Variants in CIB3 observed in about 807,000 individuals in gnomAD.
CIB3 encodes the protein calcium and integrin-binding family member 3.
CIB3 carries 22 observed loss-of-function variants against 23.4 expected under a neutral mutation model. That is an observed-to-expected ratio of 0.94 (90% CI 0.67 to 1.34). The LOEUF (loss-of-function observed/expected upper bound fraction) is 1.34. Among genes scored for constraint, CIB3 ranks in the 40% most tolerant of loss-of-function variants. The pLI, the probability that CIB3 is intolerant of heterozygous loss-of-function variation, is 0.00. For missense variants in CIB3, 258 were observed against 247.3 expected (o/e 1.04, Z -0.29); for synonymous variants, 93 against 95.8 (o/e 0.97, Z 0.17).
intron 5 of CIB3, among the ~76,000 whole-genome samples, chr19:16,162,626 C>T (rs916507700): frequency 5.3e-5 from 8 of 151,708 alleles, no homozygotes; most frequent in South Asian, 4.2e-4. Flanking sequence ...TGGTGGCGGG[C>T]GCCTGTAATT....
intron 3 of CIB3, among the ~76,000 whole-genome samples, chr19:16,168,765 G>T (rs1420569786): frequency 6.6e-6 from 1 of 152,136 alleles, no homozygotes; most frequent in Non-Finnish European, 1.5e-5. Context: ...CGAGATATGG[G>T]GGGAGATTCC....
At chr19:16,173,077 CA>C (rs1309213742) in intron 2 of CIB3, 84 bp downstream of exon 2, 4 of 1,525,356 alleles carry the variant, frequency 2.6e-6, no homozygotes, top group African/African-American at 2.8e-5. Context: ...CACACACACA[CA>C]CACACACCAA....
Position 16,173,143 on chromosome 19 carries a change from C to T in CIB3, c.86+19G>A. 3 of 1,611,930 alleles carry T rather than the reference C, an allele frequency of 1.9e-6. No homozygotes were observed. The highest frequency in any genetic ancestry group is 2.5e-6 in the Non-Finnish European group (3 of 1,179,158). ...AAGTTGTTTTTCCAGATCTTCTCTC[C>T]CTTCCTCCCTGGACTGACCTCATGA... On this transcript the variant is annotated intron_variant, in intron 2 of 5. Coordinates refer to ENST00000269878, the MANE Select transcript of CIB3 (RefSeq NM_054113.4).
rs138925123 is a variant in CIB3 at position 16,168,997 on chromosome 19, G to C, written c.198+633C>G. On this transcript the variant is annotated intron_variant, in intron 3 of 5. Coordinates refer to ENST00000269878, the MANE Select transcript of CIB3 (RefSeq NM_054113.4). Reference sequence around the variant, plus strand: ...CAAACCATGTGTCAAACATCCTGCTGATAAAAACCTGCATTTAGCAGCTCC... The same window carrying C: ...CAAACCATGTGTCAAACATCCTGCTCATAAAAACCTGCATTTAGCAGCTCC... Among the ~76,000 whole-genome samples, 313 of 152,278 alleles carry C rather than the reference G, an allele frequency of 2.1e-3. 1 individual carries two copies. Among genetic ancestry groups the C allele is most frequent in the African/African-American group, 7.3e-3 (304 of 41,572 alleles).
In CIB3 at chr19:16,173,524, C is replaced by T; in HGVS notation, c.-49G>A. The T allele has an allele frequency of 6.5e-7, 1 of 1,549,810 alleles. No homozygotes were observed. The highest frequency in any genetic ancestry group is 8.9e-7 in the Non-Finnish European group (1 of 1,121,554). On this transcript the variant is annotated 5_prime_UTR_variant, in exon 1 of 6. Coordinates refer to ENST00000269878, the MANE Select transcript of CIB3 (RefSeq NM_054113.4). The stretch of plus-strand genomic sequence containing the variant: ...GGGGATGCACCCCAAAGGCTCCCAG[C>T]TTCCTCGGGGCCACACGGGTTGCCA...
chr19:16,166,917 T>C (rs1296990938), intron 4 of CIB3, among the ~76,000 whole-genome samples: 1 of 152,110 alleles, frequency 6.6e-6, no homozygotes, highest in Non-Finnish European at 1.5e-5. Context: ...CCATCTTTAC[T>C]AAAAATACAA....
rs746001647 is a variant in CIB3 at position 16,161,443 on chromosome 19, G to C, written c.*22C>G. ...TGAGGGGTCACCCCGCCCTCCTATA[G>C]CTCGGCTCCTCTGTGGTGCCATCAG... On this transcript the variant is annotated 3_prime_UTR_variant, in exon 6 of 6. Transcript: ENST00000269878. 2 of 1,613,804 alleles carry C rather than the reference G, an allele frequency of 1.2e-6. No individual in the cohort carries two copies. Among genetic ancestry groups the C allele is most frequent in the South Asian group, 2.2e-5 (2 of 91,078 alleles).
In CIB3 at chr19:16,161,503, AAGG is replaced by A. The variant is rs748125651; in HGVS notation, c.543-20_543-18del. The A allele has an allele frequency of 6.2e-7, 1 of 1,613,626 alleles. No homozygotes were observed. Among genetic ancestry groups the A allele is most frequent in the East Asian group, 2.2e-5 (1 of 44,852 alleles). On this transcript the variant is annotated intron_variant, in intron 5 of 5. Coordinates refer to ENST00000269878, the MANE Select transcript of CIB3 (RefSeq NM_054113.4). ...TGGAAGGTGCTGTGTGCAGAGAGAA[AAGG>A]AGTCAAGGCCTTCAAGGAGTGGACA...
chr19:16,165,114 T>C (rs2091300700), intron 4 of CIB3, among the ~76,000 whole-genome samples: 1 of 151,730 alleles, frequency 6.6e-6, no homozygotes, highest in South Asian at 2.1e-4. Flanking sequence ...GCCAACATGG[T>C]GAAATCCCAT....
chr19:16,162,886 CTTTT>C (rs373689760), intron 5 of CIB3, among the ~76,000 whole-genome samples: 56 of 102,422 alleles, frequency 5.5e-4, no homozygotes, highest in East Asian at 9.3e-4. Flanking sequence ...CTTTTCTTTT[CTTTT>C]TTTTTTTTTT....
chr19:16,172,064 C>T (rs971920093), intron 2 of CIB3, among the ~76,000 whole-genome samples: 1 of 152,246 alleles, frequency 6.6e-6, no homozygotes, highest in Non-Finnish European at 1.5e-5. Context: ...CTCACACCCT[C>T]ATCTTAATGC....
intron 4 of CIB3, among the ~76,000 whole-genome samples, chr19:16,165,724 G>C (rs1466606822): frequency 6.6e-6 from 1 of 152,108 alleles, no homozygotes; most frequent in Non-Finnish European, 1.5e-5. Context: ...ATTACAGGTG[G>C]AAGCCACCAC....
chr19:16,163,025 G>A (rs2091291445), intron 5 of CIB3, among the ~76,000 whole-genome samples: 1 of 151,388 alleles, frequency 6.6e-6, no homozygotes, highest in Non-Finnish European at 1.5e-5. Context: ...GAGTAGCTGG[G>A]ACTAGAGGTG....
Position 16,168,136 on chromosome 19 carries a change from C to T in CIB3, c.346+1G>A. On this transcript the variant is annotated splice_donor_variant, in intron 4 of 5. Transcript: ENST00000269878. LOFTEE classifies it high-confidence loss of function. Reference sequence around the variant, plus strand: ...TCCCAACCCCAGGGCCACGCACGCACCATAAATTTTAAAAGCATAGTAAGC... The same window carrying T: ...TCCCAACCCCAGGGCCACGCACGCATCATAAATTTTAAAAGCATAGTAAGC... 6.2e-7 allele frequency: 1 copy of T among 1,606,060 alleles called. No individual in the cohort carries two copies.
intron 2 of CIB3, among the ~76,000 whole-genome samples, chr19:16,171,903 G>A (rs1460410819): frequency 6.6e-6 from 1 of 152,260 alleles, no homozygotes; most frequent in African/African-American, 2.4e-5. Context: ...CACTGCAGCT[G>A]AACCCTGGCC....
intron 2 of CIB3, among the ~76,000 whole-genome samples, chr19:16,172,514 T>A (rs1018499941): frequency 2.6e-5 from 4 of 152,048 alleles, no homozygotes; most frequent in African/African-American, 9.7e-5. Flanking sequence ...GCTCCATAGC[T>A]CCCTGCCACC....
rs2091312546 is a variant in CIB3 at position 16,168,014 on chromosome 19, G to A, written c.346+123C>T. The A allele has an allele frequency of 4.8e-6, 6 of 1,254,616 alleles. No individual in the cohort carries two copies. The African/African-American group carries it at 9.0e-5, about 19-fold the overall frequency. 77.7% of individuals were successfully genotyped at this position (1,254,616 alleles called of 1,614,324 possible). Reference sequence around the variant, plus strand: ...GGTGGGGAGGCATTGGAGTGGGGTGGAGGACAGGGCCACATAGGGCCTCAA... The same window carrying A: ...GGTGGGGAGGCATTGGAGTGGGGTGAAGGACAGGGCCACATAGGGCCTCAA... On this transcript the variant is annotated intron_variant, in intron 4 of 5. Coordinates refer to ENST00000269878, the MANE Select transcript of CIB3 (RefSeq NM_054113.4).
chr19:16,163,916 G>A (rs912043904), intron 5 of CIB3, among the ~76,000 whole-genome samples: 9 of 152,054 alleles, frequency 5.9e-5, no homozygotes, highest in Admixed American at 2.0e-4. Context: ...AGTGAATTTC[G>A]TATCACTGTC....
chr19:16,164,510 G>A (rs913486847), intron 5 of CIB3, among the ~76,000 whole-genome samples: 1 of 152,082 alleles, frequency 6.6e-6, no homozygotes, highest in Non-Finnish European at 1.5e-5. Flanking sequence ...TGCTGAAAGA[G>A]GTGTATCCAC....
Sources: gnomAD v4.1 joint callset for allele counts (sites outside exome capture counted in the v4.1 genomes callset) on GRCh38, gnomAD v4.1.1 for gene constraint, MANE v1.5 for transcripts, NCBI Gene and HGNC (gene_info 2026-07-23, HGNC 2026-07-21) for gene names.